Variants in TASOR2 observed in about 807,000 individuals in gnomAD.
TASOR2 encodes the protein transcription activation suppressor family member 2.
A neutral mutation model predicts 199.5 loss-of-function variants in TASOR2; 84 were observed. The ratio of observed to expected loss-of-function variants is 0.42; its 90% CI spans 0.35 to 0.50. TASOR2 has a LOEUF of 0.50. Among genes scored for constraint, TASOR2 ranks in the 20% least tolerant of loss-of-function variants. The pLI is 0.02. For missense variants in TASOR2, 2,796 were observed against 2,835.9 expected, an observed-to-expected ratio of 0.99 and a Z score of 0.32; for synonymous variants, 1,103 against 1,046.6, an observed-to-expected ratio of 1.05 and a Z score of -1.04.
intron 19 of TASOR2, among the ~76,000 whole-genome samples, chr10:5,762,256 A>T (rs1193344961): frequency 3.1e-5 from 1 of 31,806 alleles, no homozygotes; most frequent in Non-Finnish European, 9.9e-5. Flanking sequence ...CTATCTTTAA[A>T]AAAAAAAAAA....
At chr10:5,712,034 C>G (rs527904521) in intron 1 of TASOR2, 8 of 156,060 alleles carry the variant, frequency 5.1e-5, no homozygotes, top group African/African-American at 1.9e-4. Context: ...ATGAAAAAAA[C>G]TAAAGAATGA....
intron 1 of TASOR2, among the ~76,000 whole-genome samples, chr10:5,693,866 C>G (rs986435141): frequency 9.9e-5 from 15 of 152,182 alleles, no homozygotes; most frequent in African/African-American, 3.6e-4. Flanking sequence ...TCTGTTGGAC[C>G]CTGGGGACTT....
chr10:5,717,666 C>T (rs1205018779), exon 3 of TASOR2: 1 of 1,213,684 alleles, frequency 8.2e-7, no homozygotes, highest in African/African-American at 1.6e-5. Flanking sequence ...CAGGTGTATA[C>T]ATTTCCAAAT....
chr10:5,712,814 T>G lies in TASOR2; in HGVS notation c.-287-9T>G, dbSNP rs1389176749. On this transcript the variant is annotated splice_polypyrimidine_tract_variant and intron_variant, in intron 1 of 20. Transcript: ENST00000328090. ...TAGCGTTTGGTTATTCTGTTCTCTCTTTATACAGTACAAAACTTTTTACCA... is the reference window on the plus strand; with the variant it reads ...TAGCGTTTGGTTATTCTGTTCTCTCGTTATACAGTACAAAACTTTTTACCA... The G allele has an allele frequency of 8.4e-7, 1 of 1,197,566 alleles. No individual in the cohort carries two copies. The highest frequency in any genetic ancestry group is 1.0e-6 in the Non-Finnish European group (1 of 956,824). 74.2% of individuals were successfully genotyped at this position (1,197,566 alleles called of 1,614,324 possible).
At chr10:5,759,419 C>G (rs958969801) in intron 18 of TASOR2, among the ~76,000 whole-genome samples, 3 of 152,204 alleles carry the variant, frequency 2.0e-5, no homozygotes, top group African/African-American at 7.2e-5. Flanking sequence ...GCAAACTTCA[C>G]TAAGTCTAAA....
intron 3 of TASOR2, among the ~76,000 whole-genome samples, chr10:5,718,784 G>T (rs956559902): frequency 6.6e-6 from 1 of 151,460 alleles, no homozygotes; most frequent in Non-Finnish European, 1.5e-5. Flanking sequence ...AAAAAGTGGT[G>T]GGGGAGTAAC....
chr10:5,731,265 C>A, intron 11 of TASOR2, 62 bp downstream of exon 12: 6 of 1,485,856 alleles, frequency 4.0e-6, no homozygotes, highest in Non-Finnish European at 5.5e-6. Context: ...GTTGGTGGCT[C>A]ATGCCTGTAA....
chr10:5,727,669 G>A (rs1056676412), intron 10 of TASOR2, among the ~76,000 whole-genome samples: 1 of 152,116 alleles, frequency 6.6e-6, no homozygotes, highest in South Asian at 2.1e-4. Context: ...CTGGGAAGGA[G>A]GATGACTAAA....
exon 19 of TASOR2, chr10:5,761,308 T>C: frequency 1.2e-6 from 2 of 1,613,538 alleles, no homozygotes; most frequent in Non-Finnish European, 8.5e-7. Flanking sequence ...CAACTGCACA[T>C]AAGAAGAACA....
intron 1 of TASOR2, among the ~76,000 whole-genome samples, chr10:5,702,625 T>A (rs1018967002): frequency 2.1e-5 from 3 of 146,316 alleles, no homozygotes; most frequent in Non-Finnish European, 3.0e-5. Context: ...ATCTCATTAC[T>A]AAAATGGTCA....
intron 11 of TASOR2, among the ~76,000 whole-genome samples, chr10:5,733,919 A>C (rs190994099): frequency 6.6e-6 from 1 of 152,354 alleles, no homozygotes; most frequent in East Asian, 1.9e-4. Context: ...AGATAATCAG[A>C]CTTGAAATGT....
rs369851958 is a variant in TASOR2 at position 5,731,102 on chromosome 10, G to A, written c.1103G>A (p.Arg368His). Residue 368 changes from arginine to histidine, a missense_variant, in exon 11 of 21, where the codon CGC becomes CAC. Around this residue, in one of 3 missense-constraint regions of TASOR2, gnomAD observed 847 missense variants for 887.4 expected, o/e 0.95. Transcript: ENST00000328090. Reference sequence around the variant, plus strand: ...CAGAGTAAAAAGGTGAACTTGTGCCGCCCCTTTCCCAAAAGAACTGCTTCC... The same window carrying A: ...CAGAGTAAAAAGGTGAACTTGTGCCACCCCTTTCCCAAAAGAACTGCTTCC... 3.3e-5 allele frequency: 54 copies of A among 1,613,358 alleles called. No homozygotes were observed. Among genetic ancestry groups the A allele is most frequent in the Middle Eastern group, 1.6e-4 (1 of 6,084 alleles).
chr10:5,730,636 T>C lies in TASOR2; in HGVS notation c.637T>C (p.Leu213=). 3.1e-6 allele frequency: 5 copies of C among 1,614,184 alleles called. No individual in the cohort carries two copies. The highest frequency in any genetic ancestry group is 2.2e-5 in the East Asian group (1 of 44,880). ...ATTAGTAAAGCGTCATTTCCAAGAA[T>C]TGTACAAGGCGGACAGAAGCCCTTC... The change falls in exon 11 of 21, where the codon TTG becomes CTG. Residue 213 remains leucine, a synonymous_variant. Coordinates refer to ENST00000328090, the Ensembl canonical transcript of TASOR2. This position sits in a 1 kb window ranked among gnomAD's most constrained non-coding sequence, Gnocchi z 4.1.
In TASOR2 at chr10:5,737,272, G is replaced by GC. The variant is rs1554769352; in HGVS notation, c.1447+1726_1447+1727insC. The stretch of plus-strand genomic sequence containing the variant: ...TGAGCCACCACGCCCAGCCAGGTTT[G>GC]TTTTTTTTAGTTTTTTTGTTTTTTT... On this transcript the variant is annotated intron_variant, in intron 12 of 20. Coordinates refer to ENST00000328090, the Ensembl canonical transcript of TASOR2. The surrounding 1 kb of genome is among the most constrained non-coding windows in gnomAD (Gnocchi z 4.9). 2.7e-5 allele frequency among the ~76,000 whole-genome samples: 4 copies of GC among 150,234 alleles called. No homozygotes were observed. Among genetic ancestry groups the GC allele is most frequent in the African/African-American group, 9.8e-5 (4 of 40,814 alleles).
chr10:5,735,800 T>C (rs1027601560), intron 12 of TASOR2, among the ~76,000 whole-genome samples: 1 of 152,214 alleles, frequency 6.6e-6, no homozygotes, highest in Admixed American at 6.5e-5. Flanking sequence ...ATGAATTGTC[T>C]ACAAGCATTA....
At chr10:5,755,651 C>A (rs1838821993) in intron 15 of TASOR2, among the ~76,000 whole-genome samples, 1 of 152,138 alleles carries the variant, frequency 6.6e-6, no homozygotes, top group Non-Finnish European at 1.5e-5. Context: ...GTCAGGCAGT[C>A]TTCTGGGCAT....
At chr10:5,741,142 A>G (rs543294661) in intron 13 of TASOR2, among the ~76,000 whole-genome samples, 2 of 152,274 alleles carry the variant, frequency 1.3e-5, no homozygotes, top group East Asian at 3.9e-4. Context: ...GCAGATTTTG[A>G]TGCATTCTCC....
Position 5,720,657 on chromosome 10 carries a change from T to A in TASOR2, c.15T>A (p.Ala5=). The A allele has an allele frequency of 1.2e-6, 2 of 1,614,112 alleles. No homozygotes were observed. Among genetic ancestry groups the A allele is most frequent in the Admixed American group, 3.3e-5 (2 of 60,024 alleles). ...AATCTAAAACTATGGCACCACCAGC[T>A]CATAAAAGCATGTAAGTAATTATGT... is the stretch of plus-strand genomic sequence containing the variant. Residue 5 remains alanine, a synonymous_variant, in exon 4 of 21, where the codon GCT becomes GCA. Coordinates refer to ENST00000328090, the Ensembl canonical transcript of TASOR2. This position sits in a 1 kb window ranked among gnomAD's most constrained non-coding sequence, Gnocchi z 5.3.
intron 14 of TASOR2, among the ~76,000 whole-genome samples, chr10:5,745,285 T>G (rs1837028089): frequency 9.0e-6 from 1 of 110,516 alleles, no homozygotes; most frequent in Admixed American, 9.4e-5. Flanking sequence ...GTACAATAGG[T>G]ATTCAAATGA....
Sources: gnomAD v4.1 joint callset for allele counts (sites outside exome capture counted in the v4.1 genomes callset) on GRCh38, gnomAD v4.1.1 for gene constraint, gnomAD v4.1.1 regional missense constraint, Gnocchi (gnomAD v3.1) non-coding constraint, MANE v1.5 for transcripts, NCBI Gene and HGNC (gene_info 2026-07-23, HGNC 2026-07-21) for gene names.